Variants in ZMAT4 observed in about 807,000 individuals in gnomAD.
ZMAT4 encodes zinc finger matrin-type 4.
A neutral mutation model predicts 28.7 loss-of-function variants in ZMAT4; 17 were observed. The observed-to-expected ratio is 0.59, with a 90% CI of 0.41 to 0.89. The LOEUF is 0.89. Ranked by LOEUF, ZMAT4 falls within the 40% of genes least tolerant of loss-of-function variation. ZMAT4 has a pLI of 0.00. For missense variants in ZMAT4, 240 were observed against 283.8 expected (o/e 0.85, Z 1.11); for synonymous variants, 117 against 109.2 (o/e 1.07, Z -0.44).
chr8:40,830,476 C>A (rs963417520), intron 1 of ZMAT4, among the ~76,000 whole-genome samples: 2 of 152,180 alleles, frequency 1.3e-5, no homozygotes, highest in Non-Finnish European at 2.9e-5. Context: ...ATGGTGTCCT[C>A]TACCTCTACC....
At chr8:40,629,889 C>T (rs1460315223) in intron 5 of ZMAT4, among the ~76,000 whole-genome samples, 1 of 152,128 alleles carries the variant, frequency 6.6e-6, no homozygotes, top group Non-Finnish European at 1.5e-5. Flanking sequence ...GTCTTTATAG[C>T]AGCATGATTT....
At chr8:40,821,066 T>C (rs1243504233) in intron 2 of ZMAT4, among the ~76,000 whole-genome samples, 1 of 151,350 alleles carries the variant, frequency 6.6e-6, no homozygotes, top group African/African-American at 2.4e-5. Context: ...TGTTGGTGGT[T>C]TGGGGATGGG....
At chr8:40,731,543 T>A (rs1811544487) in intron 3 of ZMAT4, among the ~76,000 whole-genome samples, 1 of 151,890 alleles carries the variant, frequency 6.6e-6, no homozygotes, top group African/African-American at 2.4e-5. Context: ...AGGAAAAAAG[T>A]CACAAGACAT....
intron 1 of ZMAT4, among the ~76,000 whole-genome samples, chr8:40,869,865 C>G (rs751290007): frequency 6.6e-6 from 1 of 152,190 alleles, no homozygotes. Flanking sequence ...CTGGCTGAGA[C>G]AGCATGGACT....
At position 40,802,921 on chromosome 8, in the gene ZMAT4, A is replaced by G. The variant is rs546067823; in HGVS notation, c.102+22654T>C. ...CAAAAGCCCAGAAATAGACCCACATAAATAGAGTCAATTGATCTTTGACAA... is the reference window on the plus strand; with the variant it reads ...CAAAAGCCCAGAAATAGACCCACATGAATAGAGTCAATTGATCTTTGACAA... On this transcript the variant is annotated intron_variant, in intron 2 of 6. Transcript: ENST00000297737. Among the ~76,000 whole-genome samples the G allele has an allele frequency of 1.1e-4, 16 of 152,318 alleles. No individual in the cohort carries two copies. In the South Asian group the frequency reaches 3.1e-3, roughly 30 times the overall value.
In ZMAT4 at chr8:40,530,951, C is replaced by G. The variant is rs1023065958; in HGVS notation, c.*1272G>C. On this transcript the variant is annotated 3_prime_UTR_variant, in exon 7 of 7. Coordinates refer to ENST00000297737, the MANE Select transcript of ZMAT4 (RefSeq NM_024645.3). Reference sequence around the variant, plus strand: ...TTATTGCTCACTGAGTTGTTGCCACCTCAGCTCTTGGTGGAAAACAGTGGG... The same window carrying G: ...TTATTGCTCACTGAGTTGTTGCCACGTCAGCTCTTGGTGGAAAACAGTGGG... 7 of 152,566 alleles carry G rather than the reference C, an allele frequency of 4.6e-5. No homozygotes were observed. Among genetic ancestry groups the G allele is most frequent in the African/African-American group, 1.7e-4 (7 of 41,418 alleles). The allele number at this position is 152,566 out of a possible 1,614,324, so 9.5% of individuals were successfully genotyped here.
chr8:40,636,575 T>C (rs1218649763), intron 5 of ZMAT4, among the ~76,000 whole-genome samples: 1 of 152,182 alleles, frequency 6.6e-6, no homozygotes, highest in Non-Finnish European at 1.5e-5. Context: ...AGGAGGATAA[T>C]GTGCTGTGCT....
rs745790421 is a variant in ZMAT4 at position 40,581,151 on chromosome 8, A to C, written c.674+14T>G. ...ATCGAAGAAACTGAAGAGTGAAAGC[A>C]CAAAAGTACCTACTTGGTCTGGTGT... On this transcript the variant is annotated intron_variant, in intron 6 of 6. Transcript: ENST00000297737. 2.7e-5 allele frequency: 44 copies of C among 1,609,520 alleles called. No individual in the cohort carries two copies. The highest frequency in any genetic ancestry group is 3.7e-5 in the Non-Finnish European group (44 of 1,176,506).
intron 3 of ZMAT4, among the ~76,000 whole-genome samples, chr8:40,742,659 A>G (rs1389567629): frequency 6.6e-6 from 1 of 152,088 alleles, no homozygotes; most frequent in Non-Finnish European, 1.5e-5. Context: ...TCTACTTCAT[A>G]CATTCTTGAA....
chr8:40,601,563 G>A (rs201575636), intron 5 of ZMAT4, among the ~76,000 whole-genome samples: 2 of 118,594 alleles, frequency 1.7e-5, no homozygotes, highest in East Asian at 2.5e-4. Context: ...AAGAAAGAAA[G>A]AAGAAAGAAA....
intron 2 of ZMAT4, among the ~76,000 whole-genome samples, chr8:40,817,107 G>T (rs1355625259): frequency 6.6e-6 from 1 of 152,086 alleles, no homozygotes; most frequent in Non-Finnish European, 1.5e-5. Flanking sequence ...TTCCTCACAT[G>T]GGTAAGGAAG....
At chr8:40,638,279 A>C (rs1391465801) in intron 5 of ZMAT4, among the ~76,000 whole-genome samples, 3 of 152,204 alleles carry the variant, frequency 2.0e-5, no homozygotes, top group African/African-American at 7.2e-5. Context: ...GCCTGATTTG[A>C]TCATTCCACA....
chr8:40,556,946 ATGTTAG>A (rs1813043855), intron 6 of ZMAT4, among the ~76,000 whole-genome samples: 1 of 152,060 alleles, frequency 6.6e-6, no homozygotes, highest in African/African-American at 2.4e-5. Flanking sequence ...ATCTAACTGG[ATGTTAG>A]TACCCACTAA....
At chr8:40,856,928 C>T (rs913584488) in intron 1 of ZMAT4, among the ~76,000 whole-genome samples, 2 of 152,186 alleles carry the variant, frequency 1.3e-5, no homozygotes, top group Non-Finnish European at 2.9e-5. Flanking sequence ...AGAAGCTGGC[C>T]TCATCCATTT....
chr8:40,605,633 T>C (rs1264623556), intron 5 of ZMAT4, among the ~76,000 whole-genome samples: 1 of 152,240 alleles, frequency 6.6e-6, no homozygotes, highest in Non-Finnish European at 1.5e-5. Context: ...AGAATGTATA[T>C]TCTACAGTTG....
chr8:40,846,784 T>G (rs1012726134), intron 1 of ZMAT4, among the ~76,000 whole-genome samples: 1 of 152,162 alleles, frequency 6.6e-6, no homozygotes, highest in Non-Finnish European at 1.5e-5. Flanking sequence ...GCTGCTACCG[T>G]CCGTTCCAAT....
chr8:40,784,300 A>G (rs541134307), intron 2 of ZMAT4, among the ~76,000 whole-genome samples: 2 of 152,354 alleles, frequency 1.3e-5, no homozygotes, highest in Non-Finnish European at 2.9e-5. Flanking sequence ...CCACATTAAT[A>G]GACTAACAGA....
At chr8:40,829,616 T>C (rs1223776480) in intron 1 of ZMAT4, among the ~76,000 whole-genome samples, 1 of 152,160 alleles carries the variant, frequency 6.6e-6, no homozygotes, top group Non-Finnish European at 1.5e-5. Flanking sequence ...AACCCCTGTC[T>C]TCCAAATCTT....
At chr8:40,814,284 C>A (rs1815444949) in intron 2 of ZMAT4, among the ~76,000 whole-genome samples, 2 of 152,250 alleles carry the variant, frequency 1.3e-5, no homozygotes, top group African/African-American at 2.4e-5. Context: ...GCTCCACACT[C>A]AAGCCCACCT....
Sources: allele counts gnomAD v4.1 joint callset (sites outside exome capture counted in the v4.1 genomes callset), GRCh38; gene constraint gnomAD v4.1.1; transcripts MANE v1.5; gene names NCBI Gene and HGNC (gene_info 2026-07-23, HGNC 2026-07-21).